The following DIAPH1 variants were observed in gnomAD, a reference collection of about 807,000 sequenced individuals.
DIAPH1 encodes protein diaphanous homolog 1.
In DIAPH1, 46 loss-of-function variants were observed where a neutral mutation model predicts 140.7. The ratio of observed to expected loss-of-function variants is 0.33; its 90% CI spans 0.26 to 0.42. The LOEUF is 0.42. DIAPH1 is among the 10% of genes least tolerant of loss of function. DIAPH1 has a pLI of 1.00. For missense variants in DIAPH1, 1,310 were observed against 1,558.7 expected (o/e 0.84, Z 2.69); for synonymous variants, 565 against 551.6 (o/e 1.02, Z -0.34).
chr5:141,551,498 T>A (rs962782192), intron 18 of DIAPH1, among the ~76,000 whole-genome samples: 2 of 152,084 alleles, frequency 1.3e-5, no homozygotes, highest in Non-Finnish European at 2.9e-5. Flanking sequence ...TAAAAAATAC[T>A]ATACTCACAT....
chr5:141,520,784 G>C (rs1457343924), intron 27 of DIAPH1, among the ~76,000 whole-genome samples: 4 of 152,194 alleles, frequency 2.6e-5, no homozygotes, highest in African/African-American at 9.6e-5. Flanking sequence ...TGGGTTCACT[G>C]CTGTCTCCTG....
rs543090467 is a variant in DIAPH1 at position 141,618,715 on chromosome 5, G to A, written c.117+83C>T. ...GGCGCGGGGGCGGCTCCCCAAAGCC[G>A]GGCAGGCGCCCCAGGGGCCGGCTGC... On this transcript the variant is annotated intron_variant, in intron 1 of 27. Coordinates refer to ENST00000389054, the MANE Select transcript of DIAPH1 (RefSeq NM_005219.5). 6.9e-6 allele frequency: 7 copies of A among 1,015,938 alleles called. No individual in the cohort carries two copies. In the East Asian group the frequency reaches 1.8e-4, roughly 26 times the overall value. 62.9% of individuals were successfully genotyped at this position (1,015,938 alleles called of 1,614,324 possible). A position where few individuals can be genotyped will look rare whatever the true frequency, so the allele number is the denominator to read the frequency against.
intron 1 of DIAPH1, among the ~76,000 whole-genome samples, chr5:141,597,844 CA>C: frequency 6.6e-6 from 1 of 152,232 alleles, no homozygotes; most frequent in African/African-American, 2.4e-5. Flanking sequence ...CAAGGATACT[CA>C]TTCCCACACC....
At chr5:141,554,517 A>C (rs1596361322) in intron 18 of DIAPH1, among the ~76,000 whole-genome samples, 5 of 104,408 alleles carry the variant, frequency 4.8e-5, no homozygotes, top group Middle Eastern at 4.2e-3. Context: ...TTTTACGCAA[A>C]AAATTTTTCC....
intron 1 of DIAPH1, among the ~76,000 whole-genome samples, chr5:141,598,513 TCTC>T (rs2099899664): frequency 6.6e-6 from 1 of 152,196 alleles, no homozygotes; most frequent in African/African-American, 2.4e-5. Flanking sequence ...GCTGGGTTCT[TCTC>T]TGCACTAAGA....
At chr5:141,537,945 G>A (rs1171844573) in intron 18 of DIAPH1, among the ~76,000 whole-genome samples, 3 of 152,192 alleles carry the variant, frequency 2.0e-5, no homozygotes, top group Non-Finnish European at 4.4e-5. Flanking sequence ...AGGCTGGAGT[G>A]CAGTGGCTCA....
Position 141,618,870 on chromosome 5 carries a change from C to T in DIAPH1, c.45G>A (p.Arg15=), listed in dbSNP as rs2099903139. ...CTGGGCTCCGGCCCTTCTTCTTGTC[C>T]CGGGTCCCGCGGCCGGGCCCCAGGC... ...GGSLGPGRGT[R]DKKKGRSPDE... Residue 15 remains arginine (R), a synonymous_variant, in exon 1 of 28, where the codon CGG becomes CGA. Transcript: ENST00000389054. The T allele has an allele frequency of 1.3e-6, 2 of 1,524,080 alleles. No homozygotes were observed. The highest frequency in any genetic ancestry group is 8.8e-7 in the Non-Finnish European group (1 of 1,135,680). 94.4% of individuals were successfully genotyped at this position (1,524,080 alleles called of 1,614,324 possible). A position where few individuals can be genotyped will look rare whatever the true frequency, so the allele number is the denominator to read the frequency against.
At chr5:141,557,564 CTTCT>C (rs2099892819) in intron 18 of DIAPH1, among the ~76,000 whole-genome samples, 2 of 151,948 alleles carry the variant, frequency 1.3e-5, no homozygotes, top group African/African-American at 2.4e-5. Flanking sequence ...TCCTTTTTTT[CTTCT>C]TTTTTTGGGG....
At chr5:141,613,116 A>G (rs535587616) in intron 1 of DIAPH1, among the ~76,000 whole-genome samples, 1 of 152,280 alleles carries the variant, frequency 6.6e-6, no homozygotes, top group African/African-American at 2.4e-5. Context: ...GCTACTAAGG[A>G]CCAGTCATAT....
intron 26 of DIAPH1, among the ~76,000 whole-genome samples, chr5:141,525,390 T>C (rs568219242): frequency 6.8e-6 from 1 of 147,248 alleles, no homozygotes; most frequent in African/African-American, 2.5e-5. Flanking sequence ...GAGAGAGCAG[T>C]GGGGGCGAAG....
At chr5:141,537,397 C>A (rs2099889196) in intron 18 of DIAPH1, among the ~76,000 whole-genome samples, 1 of 145,304 alleles carries the variant, frequency 6.9e-6, no homozygotes, top group South Asian at 2.2e-4. Flanking sequence ...GCAGGAAAAT[C>A]GCTTGAACCT....
chr5:141,531,094 A>T (rs1026929927), intron 19 of DIAPH1, among the ~76,000 whole-genome samples: 1 of 152,150 alleles, frequency 6.6e-6, no homozygotes, highest in African/African-American at 2.4e-5. Context: ...CACAAAGCCA[A>T]TGAAAAGATG....
chr5:141,609,708 T>G, intron 1 of DIAPH1, among the ~76,000 whole-genome samples: 1 of 152,202 alleles, frequency 6.6e-6, no homozygotes, highest in Non-Finnish European at 1.5e-5. Flanking sequence ...ATGAATTAAT[T>G]TTCCTTATCT....
chr5:141,529,734 G>C, intron 19 of DIAPH1, 37 bp from the exon 20 acceptor site: 1 of 1,575,028 alleles, frequency 6.3e-7, no homozygotes, highest in African/African-American at 1.3e-5. Flanking sequence ...TGTTCTTCTC[G>C]GTCTGTTCCC....
chr5:141,546,663 A>G (rs2099890847), intron 18 of DIAPH1, among the ~76,000 whole-genome samples: 2 of 144,376 alleles, frequency 1.4e-5, no homozygotes, highest in African/African-American at 5.0e-5. Flanking sequence ...AAAAAAAAAG[A>G]AAAAAAAAAA....
rs570340672 is a variant in DIAPH1 at position 141,598,546 on chromosome 5, T to C, written c.118-10296A>G. Among the ~76,000 whole-genome samples the C allele has an allele frequency of 1.8e-3, 270 of 152,280 alleles. 2 individuals carry two copies. In the South Asian group the frequency reaches 0.025, roughly 14 times the overall value. On this transcript the variant is annotated intron_variant, in intron 1 of 27. Coordinates refer to ENST00000389054, the MANE Select transcript of DIAPH1 (RefSeq NM_005219.5). ...CTAAGACCATCCATCAACATAAAAATTAAAAGCTGTCCCTTTACTCCCCTT... is the reference window on the plus strand; with the variant it reads ...CTAAGACCATCCATCAACATAAAAACTAAAAGCTGTCCCTTTACTCCCCTT...
At position 141,516,430 on chromosome 5, in the gene DIAPH1, TCAGGGCCAGAGAAACCA is replaced by T. The variant is rs1169111717; in HGVS notation, c.*404_*420del. 1.5e-5 allele frequency: 4 copies of T among 272,012 alleles called. No individual in the cohort carries two copies. Among genetic ancestry groups the T allele is most frequent in the Non-Finnish European group, 2.9e-5 (4 of 137,614 alleles). The allele number at this position is 272,012 out of a possible 1,614,324, so 16.8% of individuals were successfully genotyped here. A position where few individuals can be genotyped will look rare whatever the true frequency, so the allele number is the denominator to read the frequency against. On this transcript the variant is annotated 3_prime_UTR_variant, in exon 28 of 28. Coordinates refer to ENST00000389054, the MANE Select transcript of DIAPH1 (RefSeq NM_005219.5). ...AAGGTTTACAAGCCCCATGCTATTC[TCAGGGCCAGAGAAACCA>T]CAAAAGAAAAGCACAAATCCAGCAA...
chr5:141,609,850 T>C (rs2099901536), intron 1 of DIAPH1, among the ~76,000 whole-genome samples: 1 of 152,168 alleles, frequency 6.6e-6, no homozygotes. Flanking sequence ...GCTTCCACGA[T>C]AAATGGAATG....
At chr5:141,581,553 T>C (rs2099896748) in intron 7 of DIAPH1, among the ~76,000 whole-genome samples, 1 of 152,324 alleles carries the variant, frequency 6.6e-6, no homozygotes, top group East Asian at 1.9e-4. Context: ...TCCAATGGAA[T>C]AAGTTAATTA....
Sources: allele counts gnomAD v4.1 joint callset (sites outside exome capture counted in the v4.1 genomes callset), GRCh38; gene constraint gnomAD v4.1.1; transcripts MANE v1.5; gene names NCBI Gene and HGNC (gene_info 2026-07-23, HGNC 2026-07-21).